RCAN2: variants seen among roughly 807,000 people sequenced by gnomAD.
RCAN2 encodes calcipressin-2.
In RCAN2, 9 loss-of-function variants were observed where a neutral mutation model predicts 23.6. The observed-to-expected ratio is 0.38, with a 90% CI of 0.23 to 0.67. The LOEUF (loss-of-function observed/expected upper bound fraction) is 0.67, where lower values mean the gene tolerates loss of function less well. Ranked by LOEUF, RCAN2 falls within the 30% of genes least tolerant of loss-of-function variation. RCAN2 has a pLI of 0.51. For missense variants in RCAN2, 273 were observed against 302.3 expected (o/e 0.90, Z 0.72); for synonymous variants, 109 against 115.7 (o/e 0.94, Z 0.37).
intron 4 of RCAN2, among the ~76,000 whole-genome samples, chr6:46,245,377 T>C (rs1241581383): frequency 6.6e-6 from 1 of 152,200 alleles, no homozygotes; most frequent in East Asian, 1.9e-4. Flanking sequence ...AGCATCATCT[T>C]AATCTAGGTA....
At chr6:46,383,704 C>T (rs892188707) in intron 2 of RCAN2, among the ~76,000 whole-genome samples, 1 of 152,160 alleles carries the variant, frequency 6.6e-6, no homozygotes, top group Non-Finnish European at 1.5e-5. Flanking sequence ...ATTGCTAGTG[C>T]TCAGTTGCCA....
chr6:46,427,021 T>G lies in RCAN2; in HGVS notation c.225+29731A>C, dbSNP rs145304334. 2.2e-4 allele frequency among the ~76,000 whole-genome samples: 33 copies of G among 152,254 alleles called. No homozygotes were observed. In the East Asian group the frequency reaches 5.8e-3, roughly 27 times the overall value. On this transcript the variant is annotated intron_variant, in intron 2 of 4. Coordinates refer to ENST00000371374, the MANE Select transcript of RCAN2 (RefSeq NM_001251974.2). ...GGCAGATAACAATGATCCTCCCTCC[T>G]AGGGTCATTGGGAATAATATGGAAG...
At chr6:46,344,515 A>C (rs1764425275) in intron 2 of RCAN2, among the ~76,000 whole-genome samples, 1 of 152,036 alleles carries the variant, frequency 6.6e-6, no homozygotes, top group Admixed American at 6.5e-5. Context: ...TGAATTATGA[A>C]GTTTACAGCA....
At chr6:46,305,969 G>A (rs910195752) in intron 2 of RCAN2, among the ~76,000 whole-genome samples, 3 of 150,274 alleles carry the variant, frequency 2.0e-5, no homozygotes, top group East Asian at 2.0e-4. Context: ...CGTCAGTCCT[G>A]GTGAGCCAAG....
At chr6:46,436,373 C>T (rs186469419) in intron 2 of RCAN2, among the ~76,000 whole-genome samples, 40 of 152,284 alleles carry the variant, frequency 2.6e-4, no homozygotes, top group Admixed American at 1.4e-3. Context: ...CCAGCATGCC[C>T]GGCTAATTTT....
chr6:46,248,333 GT>G (rs1429694925), intron 3 of RCAN2, among the ~76,000 whole-genome samples: 2 of 152,196 alleles, frequency 1.3e-5, no homozygotes, highest in African/African-American at 4.8e-5. Flanking sequence ...TGATAGGAAG[GT>G]TAGGAATAGC....
intron 2 of RCAN2, among the ~76,000 whole-genome samples, chr6:46,455,757 GA>G (rs1041995310): frequency 1.3e-5 from 2 of 151,686 alleles, no homozygotes; most frequent in African/African-American, 4.9e-5. Context: ...TCAGGAGGCT[GA>G]AGCAGGAGAA....
chr6:46,221,824 A>C lies in RCAN2; in HGVS notation c.*1317T>G, dbSNP rs1044947474. ...TGTACAGGAGTAGATGAGGCCTGGC[A>C]CACATAGCAGAAGGTAATGGTTCTA... On this transcript the variant is annotated 3_prime_UTR_variant, in exon 5 of 5. Transcript: ENST00000371374. The C allele has an allele frequency of 2.5e-6, 1 of 397,734 alleles. No individual in the cohort carries two copies. Among genetic ancestry groups the C allele is most frequent in the African/African-American group, 2.1e-5 (1 of 48,606 alleles). 24.6% of individuals were successfully genotyped at this position (397,734 alleles called of 1,614,324 possible).
chr6:46,334,413 T>A (rs1764078995), intron 2 of RCAN2, among the ~76,000 whole-genome samples: 1 of 152,160 alleles, frequency 6.6e-6, no homozygotes, highest in Non-Finnish European at 1.5e-5. Context: ...TGAATGGAAT[T>A]CTTTTGCTTG....
intron 2 of RCAN2, among the ~76,000 whole-genome samples, chr6:46,299,004 G>T (rs908783735): frequency 3.3e-5 from 5 of 152,018 alleles, no homozygotes; most frequent in Non-Finnish European, 7.4e-5. Flanking sequence ...ACTCATATAA[G>T]AATAGAAAAC....
At position 46,220,996 on chromosome 6, in the gene RCAN2, C is replaced by G. The variant is rs1040203176; in HGVS notation, c.*2145G>C. ...CCTAGGAAAAGCCCCTCTTTTCCCC[C>G]CTCCCCAAACCCAACCTAGTGAAAG... On this transcript the variant is annotated 3_prime_UTR_variant, in exon 5 of 5. Coordinates refer to ENST00000371374, the MANE Select transcript of RCAN2 (RefSeq NM_001251974.2). 1.3e-5 allele frequency: 2 copies of G among 152,468 alleles called. No individual in the cohort carries two copies. The highest frequency in any genetic ancestry group is 2.9e-5 in the Non-Finnish European group (2 of 68,020). 9.4% of individuals were successfully genotyped at this position (152,468 alleles called of 1,614,324 possible). A position where few individuals can be genotyped will look rare whatever the true frequency, so the allele number is the denominator to read the frequency against.
At chr6:46,422,490 G>A (rs1014275143) in intron 2 of RCAN2, among the ~76,000 whole-genome samples, 3 of 152,060 alleles carry the variant, frequency 2.0e-5, no homozygotes, top group Admixed American at 6.6e-5. Flanking sequence ...AAAAGAAAAA[G>A]AAAATAAGCC....
At chr6:46,330,550 C>T (rs1339793407) in intron 2 of RCAN2, among the ~76,000 whole-genome samples, 1 of 152,166 alleles carries the variant, frequency 6.6e-6, no homozygotes, top group African/African-American at 2.4e-5. Context: ...TTAGTATCAC[C>T]AAACGTCCTG....
At chr6:46,383,560 T>C (rs992682240) in intron 2 of RCAN2, among the ~76,000 whole-genome samples, 2 of 152,186 alleles carry the variant, frequency 1.3e-5, no homozygotes, top group African/African-American at 2.4e-5. Context: ...GGAATGTATA[T>C]TAAAAATATA....
chr6:46,267,910 T>A (rs183728223), intron 2 of RCAN2, among the ~76,000 whole-genome samples: 5 of 152,218 alleles, frequency 3.3e-5, no homozygotes, highest in Non-Finnish European at 5.9e-5. Flanking sequence ...ATTTTCTAAT[T>A]TAAAAACAAC....
chr6:46,291,429 C>CTG (rs879559568), intron 2 of RCAN2, among the ~76,000 whole-genome samples: 14 of 151,636 alleles, frequency 9.2e-5, no homozygotes, highest in Non-Finnish European at 1.6e-4. Flanking sequence ...GGAGTGCCAC[C>CTG]GAGTCCCAGC....
intron 2 of RCAN2, 125 bp from the exon 3 acceptor site, chr6:46,249,021 C>T (rs1435538933): frequency 8.3e-6 from 5 of 602,346 alleles, no homozygotes; most frequent in Admixed American, 3.5e-5. Flanking sequence ...AAATAGAACA[C>T]CAGTAATGTA....
intron 2 of RCAN2, among the ~76,000 whole-genome samples, chr6:46,365,873 A>AT (rs1442200997): frequency 6.6e-6 from 1 of 152,202 alleles, no homozygotes; most frequent in East Asian, 1.9e-4. Flanking sequence ...AATGGCTAAC[A>AT]TTATTGGTGA....
chr6:46,429,600 A>G (rs1377667842), intron 2 of RCAN2, among the ~76,000 whole-genome samples: 1 of 152,188 alleles, frequency 6.6e-6, no homozygotes, highest in Non-Finnish European at 1.5e-5. Context: ...ATCTGAAGGA[A>G]TCCCTAAAAG....
Sources: gnomAD v4.1 joint callset for allele counts (sites outside exome capture counted in the v4.1 genomes callset) on GRCh38, gnomAD v4.1.1 for gene constraint, MANE v1.5 for transcripts, NCBI Gene and HGNC (gene_info 2026-07-23, HGNC 2026-07-21) for gene names.